The following HLTF variants were observed in gnomAD, a reference collection of about 807,000 sequenced individuals.
HLTF encodes the protein DNA-dependent ATPase/E3 ubiquitin-protein ligase HLTF.
A neutral mutation model predicts 129.4 loss-of-function variants in HLTF; 127 were observed. That is an observed-to-expected ratio of 0.98 (90% CI 0.85 to 1.14). HLTF has a LOEUF of 1.14. Among genes scored for constraint, HLTF ranks in the 50% most tolerant of loss-of-function variants. The pLI is 0.00. For missense variants in HLTF, 1,139 were observed against 1,187.1 expected (o/e 0.96, Z 0.60); for synonymous variants, 332 against 388.8 (o/e 0.85, Z 1.72).
intron 3 of HLTF, among the ~76,000 whole-genome samples, chr3:149,075,021 C>G (rs1453083962): frequency 6.6e-6 from 1 of 152,104 alleles, no homozygotes; most frequent in Non-Finnish European, 1.5e-5. Context: ...GGGAGAGTTC[C>G]AGTCAACTAT....
chr3:149,035,574 C>G (rs1208650257), intron 23 of HLTF, among the ~76,000 whole-genome samples: 1 of 142,990 alleles, frequency 7.0e-6, no homozygotes, highest in Non-Finnish European at 1.5e-5. Context: ...AGGAGAATGG[C>G]CTGAACCCCG....
intron 5 of HLTF, 120 bp from the exon 6 acceptor site, chr3:149,071,777 T>C: frequency 1.5e-6 from 1 of 679,220 alleles, no homozygotes; most frequent in Non-Finnish European, 2.5e-6. Flanking sequence ...CCAGGAGTGG[T>C]GGCTCATGCC....
chr3:149,077,030 C>T (rs1303035770), intron 2 of HLTF, among the ~76,000 whole-genome samples: 5 of 152,006 alleles, frequency 3.3e-5, no homozygotes, highest in Non-Finnish European at 7.4e-5. Flanking sequence ...GGGAAGATCA[C>T]GAGGTCAAGA....
intron 23 of HLTF, among the ~76,000 whole-genome samples, chr3:149,038,783 G>C (rs1216462662): frequency 1.8e-4 from 27 of 152,086 alleles, no homozygotes. Flanking sequence ...AAAGTGCTGG[G>C]ATTACAGGCA....
Position 149,080,736 on chromosome 3 carries a change from T to C in HLTF, c.228+3946A>G, listed in dbSNP as rs145168797. Among the ~76,000 whole-genome samples the C allele has an allele frequency of 2.4e-4, 36 of 152,250 alleles. No individual in the cohort carries two copies. The East Asian group carries it at 2.7e-3, about 11-fold the overall frequency. On this transcript the variant is annotated intron_variant, in intron 2 of 24. Transcript: ENST00000310053. Reference sequence around the variant, plus strand: ...CGTTACAAATAAGTAATTACTAGAATTTTAAATAAAATATATATGAGCCAA... The same window carrying C: ...CGTTACAAATAAGTAATTACTAGAACTTTAAATAAAATATATATGAGCCAA...
intron 1 of HLTF, among the ~76,000 whole-genome samples, chr3:149,085,547 A>G (rs1720292281): frequency 6.6e-6 from 1 of 152,218 alleles, no homozygotes; most frequent in Non-Finnish European, 1.5e-5. Flanking sequence ...ATTGAGCTAT[A>G]TAAAAGACTT....
chr3:149,048,223 T>C lies in HLTF; in HGVS notation c.1757-60A>G, dbSNP rs1441259975. The C allele has an allele frequency of 2.2e-6, 3 of 1,392,680 alleles. No homozygotes were observed. The Admixed American group carries it at 6.7e-5, about 31-fold the overall frequency. The allele number at this position is 1,392,680 out of a possible 1,614,324, so 86.3% of individuals were successfully genotyped here. ...CCAGAGTATCCAGTAAGAGTATCTA[T>C]TTGGCCCAATCAGAGAAGACAACAA... On this transcript the variant is annotated intron_variant, in intron 16 of 24. Coordinates refer to ENST00000310053, the MANE Select transcript of HLTF (RefSeq NM_003071.4).
intron 7 of HLTF, among the ~76,000 whole-genome samples, chr3:149,070,179 G>A (rs990620873): frequency 6.6e-6 from 1 of 152,090 alleles, no homozygotes; most frequent in Non-Finnish European, 1.5e-5. Context: ...GAATTTTGAT[G>A]CAGTATATCA....
intron 13 of HLTF, chr3:149,059,308 T>C: frequency 3.0e-6 from 1 of 335,950 alleles, no homozygotes; most frequent in Non-Finnish European, 5.7e-6. Context: ...TGTTTTCCTA[T>C]GAATTACAAA....
At chr3:149,064,056 T>C (rs890366787) in intron 9 of HLTF, among the ~76,000 whole-genome samples, 2 of 152,144 alleles carry the variant, frequency 1.3e-5, no homozygotes, top group East Asian at 1.9e-4. Context: ...GTATCTTCCA[T>C]AAAAATCTCA....
chr3:149,036,250 T>C (rs540693655), intron 23 of HLTF, among the ~76,000 whole-genome samples: 15 of 151,380 alleles, frequency 9.9e-5, no homozygotes, highest in African/African-American at 2.9e-4. Flanking sequence ...AATAGTATCA[T>C]GAATTGTTTG....
intron 13 of HLTF, 137 bp from the exon 14 acceptor site, chr3:149,055,537 G>A: frequency 1.3e-5 from 8 of 611,212 alleles, no homozygotes; most frequent in South Asian, 4.5e-5. Context: ...CTTTTAACAG[G>A]GAATAAATTT....
intron 7 of HLTF, among the ~76,000 whole-genome samples, chr3:149,070,362 T>A (rs966811371): frequency 1.4e-4 from 22 of 152,206 alleles, no homozygotes; most frequent in Non-Finnish European, 1.9e-4. Flanking sequence ...AACACAGAGA[T>A]GTGCAAAAAT....
intron 8 of HLTF, among the ~76,000 whole-genome samples, chr3:149,067,780 A>G (rs1327740311): frequency 6.6e-6 from 1 of 152,174 alleles, no homozygotes; most frequent in Non-Finnish European, 1.5e-5. Flanking sequence ...TAGAAATGGC[A>G]TTATTGACTG....
At chr3:149,058,605 C>T (rs78569756) in intron 13 of HLTF, among the ~76,000 whole-genome samples, 2 of 152,182 alleles carry the variant, frequency 1.3e-5, no homozygotes, top group African/African-American at 2.4e-5. Flanking sequence ...GTTTATGGCA[C>T]CTTTTGATGC....
At chr3:149,057,686 T>G (rs548935447) in intron 13 of HLTF, among the ~76,000 whole-genome samples, 1 of 152,314 alleles carries the variant, frequency 6.6e-6, no homozygotes, top group South Asian at 2.1e-4. Flanking sequence ...ATTTTAGAAC[T>G]GAAACTGTAG....
rs1965259 is a variant in HLTF, at chr3:149,051,740, C to T, written c.1474-1365G>A. On this transcript the variant is annotated intron_variant, in intron 14 of 24. Coordinates refer to ENST00000310053, the MANE Select transcript of HLTF (RefSeq NM_003071.4). ...GCTGGGCATGGTGGTGATGGTGATG[C>T]GCACCTATAATTCCAGCTACTCGGG... Among the ~76,000 whole-genome samples, 26 of 151,732 alleles carry T rather than the reference C, an allele frequency of 1.7e-4. 1 individual carries two copies. In the East Asian group the frequency reaches 4.5e-3, roughly 26 times the overall value.
At chr3:149,035,523 T>A (rs145062543) in intron 23 of HLTF, among the ~76,000 whole-genome samples, 3,089 of 151,582 alleles carry the variant, frequency 0.02, 70 homozygotes, top group Middle Eastern at 0.058. Context: ...CCGGGAGAGG[T>A]GGCGGGCGCC....
In HLTF at chr3:149,048,902, C is replaced by T. The variant is rs775858234; in HGVS notation, c.1717G>A (p.Val573Ile). The T allele has an allele frequency of 1.2e-5, 19 of 1,613,372 alleles. No homozygotes were observed. The highest frequency in any genetic ancestry group is 2.7e-5 in the African/African-American group (2 of 74,888). Reference sequence around the variant, plus strand: ...CTTCTTTCTGATTCTAAGTCAAGTACAGCTTTTGTCTGCTGAGCATTTGGA... The same window carrying T: ...CTTCTTTCTGATTCTAAGTCAAGTATAGCTTTTGTCTGCTGAGCATTTGGA... ...RNPNAQQTKAVLDLESERRWV... is the reference protein window; with the variant it reads ...RNPNAQQTKAILDLESERRWV... The change falls in exon 16 of 25, where the codon GTA becomes ATA. Residue 573 changes from valine (V) to isoleucine (I), a missense_variant. Coordinates refer to ENST00000310053, the MANE Select transcript of HLTF (RefSeq NM_003071.4).
Sources: allele counts gnomAD v4.1 joint callset (sites outside exome capture counted in the v4.1 genomes callset), GRCh38; gene constraint gnomAD v4.1.1; transcripts MANE v1.5; gene names NCBI Gene and HGNC (gene_info 2026-07-23, HGNC 2026-07-21).